Variants in CADM2 observed in about 807,000 individuals in gnomAD.
CADM2 encodes the protein immunoglobulin superfamily member 4D.
In CADM2, 12 loss-of-function variants were observed where a neutral mutation model predicts 49.8. The observed-to-expected ratio is 0.24, with a 90% CI of 0.15 to 0.39. CADM2 has a LOEUF of 0.39. Among genes scored for constraint, CADM2 ranks in the 10% least tolerant of loss-of-function variants. The pLI, the probability that CADM2 is intolerant of heterozygous loss-of-function variation, is 1.00. For synonymous variants in CADM2, 214 were observed against 175.4 expected (o/e 1.22, Z -1.74); for missense variants, 378 against 492.3 (o/e 0.77, Z 2.20).
intron 1 of CADM2, among the ~76,000 whole-genome samples, chr3:85,295,622 G>A (rs2043939047): frequency 6.6e-6 from 1 of 152,070 alleles, no homozygotes; most frequent in African/African-American, 2.4e-5. Flanking sequence ...TAAAAATGAT[G>A]AGTTCATGTC....
intron 1 of CADM2, among the ~76,000 whole-genome samples, chr3:85,706,979 A>G (rs1286249490): frequency 3.9e-5 from 6 of 151,900 alleles, no homozygotes; most frequent in African/African-American, 1.2e-4. Context: ...ATTATTTTTA[A>G]TTTTTGAGAC....
At chr3:85,039,105 G>A (rs1212746106) in intron 1 of CADM2, among the ~76,000 whole-genome samples, 3 of 152,078 alleles carry the variant, frequency 2.0e-5, no homozygotes, top group Non-Finnish European at 4.4e-5. Context: ...CGGTTCAAGC[G>A]ATTCTCCTGC....
rs139358721 is a variant in CADM2 at position 85,969,410 on chromosome 3, A to G, written c.970+7763A>G. Among the ~76,000 whole-genome samples, 113 of 151,522 alleles carry G rather than the reference A, an allele frequency of 7.5e-4. 1 individual carries two copies. Among genetic ancestry groups the G allele is most frequent in the Non-Finnish European group, 1.2e-3 (81 of 67,706 alleles). On this transcript the variant is annotated intron_variant, in intron 8 of 9. Coordinates refer to ENST00000383699, the MANE Select transcript of CADM2 (RefSeq NM_001167675.2). The stretch of plus-strand genomic sequence containing the variant: ...TGCTTGGAATGCTTGTCCAAGATGC[A>G]CAAGAAATGCTGCCAGAAATGCTGA...
At position 85,268,570 on chromosome 3, in the gene CADM2, C is replaced by T. The variant is rs187206501; in HGVS notation, c.61+308902C>T. Among the ~76,000 whole-genome samples the T allele has an allele frequency of 3.4e-4, 52 of 151,216 alleles. 1 individual carries two copies. The East Asian group carries it at 9.7e-3, about 28-fold the overall frequency. ...ATTTGTGTGCATATTATAAAAATCC[C>T]ATCTAAGCAAAGAACATCACAAATT... On this transcript the variant is annotated intron_variant, in intron 1 of 9. Coordinates refer to ENST00000383699, the MANE Select transcript of CADM2 (RefSeq NM_001167675.2).
intron 1 of CADM2, among the ~76,000 whole-genome samples, chr3:85,369,113 T>A (rs1003917744): frequency 6.6e-6 from 1 of 152,200 alleles, no homozygotes; most frequent in Admixed American, 6.5e-5. Flanking sequence ...ATTGGAGGAA[T>A]TAAGAATTCC....
chr3:85,050,922 G>T (rs2107405381), intron 1 of CADM2, among the ~76,000 whole-genome samples: 1 of 152,246 alleles, frequency 6.6e-6, no homozygotes, highest in Admixed American at 6.5e-5. Context: ...AAGGTTGCAG[G>T]GATGTACTCC....
At chr3:85,320,619 C>T (rs1163875427) in intron 1 of CADM2, among the ~76,000 whole-genome samples, 1 of 152,112 alleles carries the variant, frequency 6.6e-6, no homozygotes, top group Non-Finnish European at 1.5e-5. Flanking sequence ...GAATTCTATA[C>T]GCATTTATAT....
chr3:85,208,464 C>T (rs1384765569), intron 1 of CADM2, among the ~76,000 whole-genome samples: 1 of 152,086 alleles, frequency 6.6e-6, no homozygotes, highest in East Asian at 1.9e-4. Context: ...CAAAGTTTTG[C>T]TCACAAGGTG....
At chr3:85,039,391 G>A (rs2035351456) in intron 1 of CADM2, among the ~76,000 whole-genome samples, 1 of 149,634 alleles carries the variant, frequency 6.7e-6, no homozygotes, top group Non-Finnish European at 1.5e-5. Flanking sequence ...TTTGGCTTAA[G>A]CTGATTATTA....
intron 1 of CADM2, among the ~76,000 whole-genome samples, chr3:84,970,225 T>G (rs2031324298): frequency 6.6e-6 from 1 of 151,644 alleles, no homozygotes; most frequent in Non-Finnish European, 1.5e-5. Flanking sequence ...AATGTTTAGT[T>G]ATTTATACTT....
chr3:85,457,684 T>C (rs1235487588), intron 1 of CADM2, among the ~76,000 whole-genome samples: 1 of 152,174 alleles, frequency 6.6e-6, no homozygotes, highest in Non-Finnish European at 1.5e-5. Flanking sequence ...GATTAAGTTA[T>C]AAATATTGTA....
At chr3:85,922,495 C>T (rs1362106312) in intron 6 of CADM2, among the ~76,000 whole-genome samples, 1 of 151,744 alleles carries the variant, frequency 6.6e-6, no homozygotes, top group Non-Finnish European at 1.5e-5. Context: ...AAAATTTAAA[C>T]AGAAAAACCG....
At chr3:86,061,985 G>GT (rs1365674396) in intron 8 of CADM2, among the ~76,000 whole-genome samples, 5 of 97,930 alleles carry the variant, frequency 5.1e-5, no homozygotes, top group Middle Eastern at 4.4e-3. Flanking sequence ...GCTGTTGATG[G>GT]TGGGGGGGGG....
intron 1 of CADM2, among the ~76,000 whole-genome samples, chr3:84,997,151 T>C (rs2033221815): frequency 6.6e-6 from 1 of 152,106 alleles, no homozygotes; most frequent in South Asian, 2.1e-4. Flanking sequence ...GCGAGTTATT[T>C]CCTCTGATTT....
chr3:85,829,781 G>A (rs1054327786), intron 3 of CADM2, among the ~76,000 whole-genome samples: 7 of 151,984 alleles, frequency 4.6e-5, no homozygotes, highest in African/African-American at 1.4e-4. Context: ...GCCTTTCTGC[G>A]CTTGACTTAC....
intron 1 of CADM2, among the ~76,000 whole-genome samples, chr3:85,628,213 C>A (rs1387907684): frequency 1.3e-5 from 2 of 151,992 alleles, no homozygotes; most frequent in African/African-American, 4.8e-5. Flanking sequence ...ATAATTCTGC[C>A]TTTGCAGAAG....
At chr3:85,964,426 C>T (rs1469765866) in intron 8 of CADM2, among the ~76,000 whole-genome samples, 4 of 149,080 alleles carry the variant, frequency 2.7e-5, no homozygotes, top group African/African-American at 5.1e-5. Context: ...ATCTGGATGC[C>T]GTCATAATAG....
At chr3:85,310,709 GT>G (rs1039825717) in intron 1 of CADM2, among the ~76,000 whole-genome samples, 2 of 152,208 alleles carry the variant, frequency 1.3e-5, no homozygotes, top group African/African-American at 4.8e-5. Flanking sequence ...AAATAGAGTG[GT>G]TTTTTCTGTT....
intron 3 of CADM2, among the ~76,000 whole-genome samples, chr3:85,851,356 TCTA>T (rs907860133): frequency 5.3e-4 from 81 of 152,158 alleles, no homozygotes; most frequent in Middle Eastern, 6.8e-3. Flanking sequence ...TCACAGTTGT[TCTA>T]CTATTTGTCT....
Sources: gnomAD v4.1 joint callset for allele counts (sites outside exome capture counted in the v4.1 genomes callset) on GRCh38, gnomAD v4.1.1 for gene constraint, MANE v1.5 for transcripts, NCBI Gene and HGNC (gene_info 2026-07-23, HGNC 2026-07-21) for gene names.